Variants in CSMD3 observed in about 807,000 individuals in gnomAD.
CSMD3 encodes the protein CUB and Sushi multiple domains 3.
Under a neutral mutation model 435.2 loss-of-function variants are expected in CSMD3, and 177 were observed. The ratio of observed to expected loss-of-function variants is 0.41; its 90% CI spans 0.36 to 0.46. CSMD3 has a LOEUF of 0.46. Ranked by LOEUF, CSMD3 falls within the 20% of genes least tolerant of loss-of-function variation. The pLI is 0.34. For missense variants in CSMD3, 4,265 were observed against 4,504.6 expected (o/e 0.95, Z 1.52); for synonymous variants, 1,656 against 1,520.5 (o/e 1.09, Z -2.07).
chr8:112,913,150 C>T lies in CSMD3; in HGVS notation c.1633+8477G>A, dbSNP rs905116258. Among the ~76,000 whole-genome samples the T allele has an allele frequency of 2.0e-5, 3 of 151,784 alleles. No homozygotes were observed. In the East Asian group the frequency reaches 5.9e-4, roughly 30 times the overall value. On this transcript the variant is annotated intron_variant, in intron 10 of 70. Transcript: ENST00000297405. ...GCCTTCCTTAACAATCCCTAGTACC[C>T]TAGAGCAGTGGTCCCCAACCTTTTA... is the stretch of plus-strand genomic sequence containing the variant.
chr8:112,893,954 G>A (rs1250148941), intron 10 of CSMD3, among the ~76,000 whole-genome samples: 2 of 112,952 alleles, frequency 1.8e-5, no homozygotes, highest in Non-Finnish European at 3.6e-5. Context: ...GCAGAAATGG[G>A]CTACAAAGGC....
At chr8:112,588,377 C>T (rs1830905962) in intron 22 of CSMD3, among the ~76,000 whole-genome samples, 1 of 151,290 alleles carries the variant, frequency 6.6e-6, no homozygotes. Context: ...ATAATATCAA[C>T]ATTGTGTGAA....
At chr8:112,399,062 A>T (rs958626683) in intron 35 of CSMD3, among the ~76,000 whole-genome samples, 1 of 151,398 alleles carries the variant, frequency 6.6e-6, no homozygotes, top group Non-Finnish European at 1.5e-5. Context: ...AATTACAGGC[A>T]TGTGCCACCA....
Position 112,223,765 on chromosome 8 carries a change from T to C in CSMD3, c.*1006A>G, listed in dbSNP as rs1812344117. 1 of 152,130 alleles carries C rather than the reference T, an allele frequency of 6.6e-6. No individual in the cohort carries two copies. The highest frequency in any genetic ancestry group is 2.4e-5 in the African/African-American group (1 of 41,452). The allele number at this position is 152,130 out of a possible 1,614,324, so 9.4% of individuals were successfully genotyped here. A position where few individuals can be genotyped will look rare whatever the true frequency, so the allele number is the denominator to read the frequency against. ...TAAATGAAAATTAAAAGTGTCAAAA[T>C]AATGCTAAATTTGAAGACTCAGCTG... On this transcript the variant is annotated 3_prime_UTR_variant, in exon 71 of 71. Coordinates refer to ENST00000297405, the MANE Select transcript of CSMD3 (RefSeq NM_198123.2).
At chr8:113,125,690 A>G (rs1192297258) in intron 4 of CSMD3, among the ~76,000 whole-genome samples, 1 of 151,908 alleles carries the variant, frequency 6.6e-6, no homozygotes, top group African/African-American at 2.4e-5. Context: ...TGTTTCTGAA[A>G]CTAAATAAAG....
In CSMD3 at chr8:112,598,312, G is replaced by A. The variant is rs906579880; in HGVS notation, c.3716-11077C>T. ...AATACCTAGGAATCCAACTTACAAG[G>A]GATGGGAAGGACCTCTTCAAGGAGA... On this transcript the variant is annotated intron_variant, in intron 22 of 70. Coordinates refer to ENST00000297405, the MANE Select transcript of CSMD3 (RefSeq NM_198123.2). Among the ~76,000 whole-genome samples the A allele has an allele frequency of 1.4e-3, 203 of 147,572 alleles. 2 individuals carry two copies. Among genetic ancestry groups the A allele is most frequent in the African/African-American group, 5.0e-3 (196 of 39,300 alleles).
In CSMD3 at chr8:112,975,836, C is replaced by A; in HGVS notation, c.1342+1G>T. On this transcript the variant is annotated splice_donor_variant, in intron 7 of 70. Coordinates refer to ENST00000297405, the MANE Select transcript of CSMD3 (RefSeq NM_198123.2). LOFTEE classifies it high-confidence loss of function. ...GGCACAAGTAAAATAACATCCAATA[C>A]CTCTATGAGTAACAACTGCAAGCTC... The A allele has an allele frequency of 6.2e-7, 1 of 1,612,808 alleles. No homozygotes were observed. Among genetic ancestry groups the A allele is most frequent in the Non-Finnish European group, 8.5e-7 (1 of 1,179,760 alleles).
intron 31 of CSMD3, among the ~76,000 whole-genome samples, chr8:112,483,484 A>C (rs1269533288): frequency 6.6e-6 from 1 of 151,106 alleles, no homozygotes; most frequent in Non-Finnish European, 1.5e-5. Context: ...CTCCACCTCG[A>C]AAAAAAAAGA....
intron 59 of CSMD3, among the ~76,000 whole-genome samples, chr8:112,270,615 T>C (rs1478641552): frequency 6.6e-6 from 1 of 152,180 alleles, no homozygotes; most frequent in Non-Finnish European, 1.5e-5. Context: ...TAGTAGGTTT[T>C]GTTTAAATGA....
chr8:112,976,117 A>C lies in CSMD3; in HGVS notation c.1062T>G (p.Thr354=). ...TCCTGTTATGCTCCTCTAACTCACC[A>C]GTGGAGGTAGTGTGGGTCAATGTAG... The part of the protein sequence containing the change: ...GSSTLTHTTS[T]GELEEHNRTT... The change falls in exon 7 of 71, where the codon ACT becomes ACG. Residue 354 remains threonine, a synonymous_variant. Coordinates refer to ENST00000297405, the MANE Select transcript of CSMD3 (RefSeq NM_198123.2). 6.2e-7 allele frequency: 1 copy of C among 1,614,008 alleles called. No homozygotes were observed. Among genetic ancestry groups the C allele is most frequent in the Admixed American group, 1.7e-5 (1 of 59,994 alleles).
intron 52 of CSMD3, among the ~76,000 whole-genome samples, chr8:112,303,221 G>C (rs916055139): frequency 6.6e-6 from 1 of 152,034 alleles, no homozygotes; most frequent in Non-Finnish European, 1.5e-5. Flanking sequence ...TGCAGTCAGA[G>C]AAAAATCCTG....
rs182980582 is a variant in CSMD3 at position 113,374,733 on chromosome 8, T to G, written c.179-59940A>C. ...ATATAACTCAGCAACAGTTGTCGCT[T>G]TAATTATCTAACTCTCCTTTTGATC... On this transcript the variant is annotated intron_variant, in intron 1 of 70. Coordinates refer to ENST00000297405, the MANE Select transcript of CSMD3 (RefSeq NM_198123.2). 2.5e-3 allele frequency among the ~76,000 whole-genome samples: 371 copies of G among 151,100 alleles called. 2 individuals carry two copies. The highest frequency in any genetic ancestry group is 2.2e-3 in the Non-Finnish European group (146 of 67,822).
At chr8:113,126,853 G>T (rs17605788) in intron 4 of CSMD3, among the ~76,000 whole-genome samples, 3 of 151,712 alleles carry the variant, frequency 2.0e-5, no homozygotes, top group South Asian at 2.1e-4. Flanking sequence ...AATTAACACA[G>T]GAAGCTCTCT....
intron 13 of CSMD3, among the ~76,000 whole-genome samples, chr8:112,698,193 A>G (rs2076302013): frequency 6.6e-6 from 1 of 152,140 alleles, no homozygotes; most frequent in Non-Finnish European, 1.5e-5. Context: ...GGGCAGACAG[A>G]CTTCTCACTA....
rs1339505921 is a variant in CSMD3 at position 113,341,876 on chromosome 8, A to C, written c.179-27083T>G. Reference sequence around the variant, plus strand: ...TGCTCATATCATTCTGCATACCCAAAATATCCTTCCTTTGCTTCTTGATGG... The same window carrying C: ...TGCTCATATCATTCTGCATACCCAACATATCCTTCCTTTGCTTCTTGATGG... On this transcript the variant is annotated intron_variant, in intron 1 of 70. Coordinates refer to ENST00000297405, the MANE Select transcript of CSMD3 (RefSeq NM_198123.2). Among the ~76,000 whole-genome samples, 3 of 152,044 alleles carry C rather than the reference A, an allele frequency of 2.0e-5. 1 individual carries two copies. The highest frequency in any genetic ancestry group is 4.1e-4 in the South Asian group (2 of 4,832).
intron 1 of CSMD3, among the ~76,000 whole-genome samples, chr8:113,384,410 A>G (rs1230905923): frequency 2.0e-5 from 3 of 152,202 alleles, no homozygotes; most frequent in Admixed American, 6.5e-5. Flanking sequence ...CAGGAAGACA[A>G]AAAACATACT....
chr8:112,590,616 G>A (rs1268463425), intron 22 of CSMD3, among the ~76,000 whole-genome samples: 1 of 152,076 alleles, frequency 6.6e-6, no homozygotes, highest in Non-Finnish European at 1.5e-5. Context: ...AAGTCATTAG[G>A]TGTGAGCTGC....
intron 13 of CSMD3, among the ~76,000 whole-genome samples, chr8:112,747,181 C>T (rs1036774452): frequency 4.2e-4 from 27 of 63,652 alleles, no homozygotes; most frequent in African/African-American, 2.7e-3. Context: ...CTGCACACTT[C>T]CCTTTTTTTT....
chr8:112,489,672 C>T (rs79836681), intron 31 of CSMD3, among the ~76,000 whole-genome samples: 3,125 of 152,162 alleles, frequency 0.021, 93 homozygotes, highest in East Asian at 0.14. Flanking sequence ...TGAAAAGTCA[C>T]GCAGAAACTC....
Sources: gnomAD v4.1 joint callset for allele counts (sites outside exome capture counted in the v4.1 genomes callset) on GRCh38, gnomAD v4.1.1 for gene constraint, MANE v1.5 for transcripts, NCBI Gene and HGNC (gene_info 2026-07-23, HGNC 2026-07-21) for gene names.